The following TPRG1 variants were observed in gnomAD, a reference collection of about 807,000 sequenced individuals.
The protein encoded by TPRG1 is tumor protein p63-regulated gene 1 protein.
In TPRG1, 29 loss-of-function variants were observed where a neutral mutation model predicts 29.3. The ratio of observed to expected loss-of-function variants is 0.99; its 90% CI spans 0.74 to 1.35. The LOEUF is 1.35. Among genes scored for constraint, TPRG1 ranks in the 40% most tolerant of loss-of-function variants. The pLI, the probability that TPRG1 is intolerant of heterozygous loss-of-function variation, is 0.00. For synonymous variants in TPRG1, 130 were observed against 116.8 expected (o/e 1.11, Z -0.73); for missense variants, 327 against 335.0 (o/e 0.98, Z 0.19).
intron 4 of TPRG1, among the ~76,000 whole-genome samples, chr3:189,272,764 C>G (rs1308666900): frequency 6.9e-6 from 1 of 144,918 alleles, no homozygotes; most frequent in East Asian, 2.0e-4. Flanking sequence ...TCCTTCCTTC[C>G]TTCCTTCCTT....
intron 4 of TPRG1, among the ~76,000 whole-genome samples, chr3:189,258,098 T>C (rs557216348): frequency 6.6e-6 from 1 of 152,340 alleles, no homozygotes; most frequent in African/African-American, 2.4e-5. Context: ...TTTTGAAATT[T>C]TCAGCCTTTT....
chr3:189,135,233 A>G (rs557730698), intron 3 of TPRG1, among the ~76,000 whole-genome samples: 1 of 152,240 alleles, frequency 6.6e-6, no homozygotes, highest in Admixed American at 6.5e-5. Flanking sequence ...ATCCAATCCA[A>G]TGTCCTGTCC....
At chr3:189,124,583 C>T (rs982326551) in intron 1 of TPRG1, among the ~76,000 whole-genome samples, 23 of 151,138 alleles carry the variant, frequency 1.5e-4, no homozygotes, top group African/African-American at 4.6e-4. Context: ...CACACACATA[C>T]GTGTACATAT....
chr3:189,260,568 A>C (rs1712818620), intron 4 of TPRG1, among the ~76,000 whole-genome samples: 1 of 152,254 alleles, frequency 6.6e-6, no homozygotes, highest in Non-Finnish European at 1.5e-5. Context: ...TGTTGCTGTC[A>C]CATTGATATG....
upstream of TPRG1, among the ~76,000 whole-genome samples, chr3:189,099,051 G>T (rs1718891795): frequency 6.6e-6 from 1 of 152,060 alleles, no homozygotes; most frequent in African/African-American, 2.4e-5. Flanking sequence ...TTGTTGACTT[G>T]GTCCCAGAGA....
intron 4 of TPRG1, among the ~76,000 whole-genome samples, chr3:189,301,298 C>CAAA (rs10618021): frequency 2.8e-4 from 12 of 43,604 alleles, no homozygotes; most frequent in Admixed American, 4.2e-4. Context: ...GACTCCATCT[C>CAAA]AAAAAAAAAA....
At chr3:189,295,496 CAAAAAAAAAAAAAA>C (rs368195264) in intron 4 of TPRG1, among the ~76,000 whole-genome samples, 31 of 85,524 alleles carry the variant, frequency 3.6e-4, no homozygotes, top group Non-Finnish European at 4.7e-4. Context: ...ACTCAGATTG[CAAAAAAAAAAAAAA>C]AAAAAAAAAA....
At chr3:189,278,408 C>T (rs559673321) in intron 4 of TPRG1, among the ~76,000 whole-genome samples, 8 of 152,184 alleles carry the variant, frequency 5.3e-5, no homozygotes, top group African/African-American at 1.7e-4. Flanking sequence ...TGCTGGAAGC[C>T]GGTGCTGGAA....
At chr3:189,149,706 C>T (rs112133965) in intron 4 of TPRG1, among the ~76,000 whole-genome samples, 22 of 152,162 alleles carry the variant, frequency 1.4e-4, no homozygotes, top group African/African-American at 4.8e-4. Context: ...CCCACTCTCT[C>T]TGCATGGTGG....
chr3:189,302,513 G>C (rs935874581), intron 4 of TPRG1, among the ~76,000 whole-genome samples: 1 of 152,234 alleles, frequency 6.6e-6, no homozygotes, highest in Non-Finnish European at 1.5e-5. Context: ...GACAATGCCA[G>C]TGTCTGCCGA....
intron 1 of TPRG1, among the ~76,000 whole-genome samples, chr3:189,174,892 T>G (rs1372013256): frequency 2.0e-5 from 3 of 152,196 alleles, no homozygotes; most frequent in Non-Finnish European, 4.4e-5. Context: ...GAAATTATGA[T>G]GTATGATAGC....
intron 4 of TPRG1, among the ~76,000 whole-genome samples, chr3:189,260,924 G>T (rs1214139125): frequency 6.6e-6 from 1 of 152,132 alleles, no homozygotes; most frequent in African/African-American, 2.4e-5. Context: ...CTCTAATTTG[G>T]CACCTCTTCC....
At chr3:189,259,469 T>C (rs1204741391) in intron 4 of TPRG1, among the ~76,000 whole-genome samples, 2 of 145,650 alleles carry the variant, frequency 1.4e-5, no homozygotes, top group Non-Finnish European at 3.0e-5. Context: ...TCCCTTTTTT[T>C]TTTTTTTTTT....
chr3:189,215,209 A>T, intron 2 of TPRG1, 83 bp from the exon 3 acceptor site: 3 of 1,101,802 alleles, frequency 2.7e-6, no homozygotes, highest in Non-Finnish European at 3.9e-6. Flanking sequence ...TTTCCGGAGG[A>T]GCTGCTGGAA....
intron 3 of TPRG1, among the ~76,000 whole-genome samples, chr3:189,134,562 G>T (rs1261613623): frequency 1.3e-5 from 2 of 151,554 alleles, no homozygotes; most frequent in African/African-American, 2.4e-5. Context: ...TATATATAGA[G>T]GCATGCCACC....
intron 1 of TPRG1, among the ~76,000 whole-genome samples, chr3:189,195,032 A>G (rs1424176405): frequency 6.6e-6 from 1 of 152,130 alleles, no homozygotes; most frequent in African/African-American, 2.4e-5. Context: ...TCCTTGGAGC[A>G]TGGGGTACTA....
At chr3:189,065,854 G>C (rs1184015669) in intron 4 of TPRG1, among the ~76,000 whole-genome samples, 1 of 151,910 alleles carries the variant, frequency 6.6e-6, no homozygotes, top group Non-Finnish European at 1.5e-5. Flanking sequence ...GGAAAGGAAG[G>C]AATAAAACTA....
At chr3:189,031,021 G>A (rs1265652581) in intron 4 of TPRG1, among the ~76,000 whole-genome samples, 1 of 152,196 alleles carries the variant, frequency 6.6e-6, no homozygotes, top group African/African-American at 2.4e-5. Flanking sequence ...TGTAATCCCA[G>A]CACTTTAGAA....
intron 4 of TPRG1, among the ~76,000 whole-genome samples, chr3:189,064,657 G>GA (rs1716321757): frequency 6.6e-6 from 1 of 152,046 alleles, no homozygotes; most frequent in Non-Finnish European, 1.5e-5. Context: ...TAAAAAGTGA[G>GA]ATGACATCCC....
Sources: allele counts gnomAD v4.1 joint callset (sites outside exome capture counted in the v4.1 genomes callset), GRCh38; gene constraint gnomAD v4.1.1; transcripts MANE v1.5; gene names NCBI Gene and HGNC (gene_info 2026-07-23, HGNC 2026-07-21).